ITPR2: variants seen among roughly 807,000 people sequenced by gnomAD.
ITPR2 encodes the protein inositol 1,4,5-trisphosphate-gated calcium channel ITPR2.
In ITPR2, 207 loss-of-function variants were observed where a neutral mutation model predicts 317.1. That is an observed-to-expected ratio of 0.65 (90% confidence interval 0.58 to 0.73). The LOEUF is 0.73. Ranked by LOEUF, ITPR2 falls within the 30% of genes least tolerant of loss-of-function variation. The pLI, the probability that ITPR2 is intolerant of heterozygous loss-of-function variation, is 0.00. For missense variants in ITPR2, 2,613 were observed against 3,284.0 expected (o/e 0.80, Z 4.99); for synonymous variants, 1,156 against 1,149.1 (o/e 1.01, Z -0.12).
intron 13 of ITPR2, among the ~76,000 whole-genome samples, chr12:26,678,683 T>C (rs1947966356): frequency 6.6e-6 from 1 of 152,242 alleles, no homozygotes; most frequent in Admixed American, 6.5e-5. Context: ...TGTACCTTCA[T>C]ATTTCTTAGG....
At chr12:26,494,100 T>G in intron 39 of ITPR2, 53 bp downstream of exon 39, 2 of 1,388,328 alleles carry the variant, frequency 1.4e-6, no homozygotes, top group Non-Finnish European at 2.0e-6. Context: ...CTGTGACAAG[T>G]AAACAAGAAA....
At chr12:26,548,400 T>C (rs192216106) in intron 37 of ITPR2, among the ~76,000 whole-genome samples, 1 of 152,228 alleles carries the variant, frequency 6.6e-6, no homozygotes, top group East Asian at 1.9e-4. Flanking sequence ...CCTGGAACAC[T>C]GACGCTGTGC....
chr12:26,449,365 G>A (rs1003586054), intron 45 of ITPR2, among the ~76,000 whole-genome samples: 4 of 152,080 alleles, frequency 2.6e-5, no homozygotes, highest in African/African-American at 9.7e-5. Context: ...ATTCTAATGT[G>A]CAAAATATGG....
At chr12:26,475,495 T>C (rs1942396843) in intron 44 of ITPR2, 77 bp from the exon 45 acceptor site, 2 of 1,507,836 alleles carry the variant, frequency 1.3e-6, no homozygotes, top group Non-Finnish European at 1.8e-6. Context: ...TAATTAAAAA[T>C]TGGGCAGCTT....
chr12:26,687,190 T>C lies in ITPR2; in HGVS notation c.997-558A>G, dbSNP rs550925873. On this transcript the variant is annotated intron_variant, in intron 10 of 56. Coordinates refer to ENST00000381340, the MANE Select transcript of ITPR2 (RefSeq NM_002223.4). ...AGATCTCCACACACAGAAGCCTTCA[T>C]AGTGATGTGGAACTTGGTCAATGCT... Among the ~76,000 whole-genome samples, 20 of 152,286 alleles carry C rather than the reference T, an allele frequency of 1.3e-4. No homozygotes were observed. The East Asian group carries it at 2.1e-3, about 16-fold the overall frequency.
chr12:26,741,669 G>C (rs1359183932), intron 2 of ITPR2, among the ~76,000 whole-genome samples: 1 of 152,138 alleles, frequency 6.6e-6, no homozygotes, highest in Admixed American at 6.5e-5. Flanking sequence ...AAGAAAACCT[G>C]CATGTGTGTC....
At chr12:26,486,480 G>A in intron 40 of ITPR2, 120 bp from the exon 41 acceptor site, 2 of 861,038 alleles carry the variant, frequency 2.3e-6, no homozygotes, top group South Asian at 3.8e-5. Flanking sequence ...TCTGACAAAA[G>A]GTGCAACAAT....
chr12:26,453,719 C>T (rs545869647), intron 45 of ITPR2, among the ~76,000 whole-genome samples: 1 of 152,330 alleles, frequency 6.6e-6, no homozygotes, highest in Non-Finnish European at 1.5e-5. Flanking sequence ...ACTTGAGTTG[C>T]TTCTTCCAGC....
At chr12:26,474,657 A>G (rs1219247920) in intron 45 of ITPR2, among the ~76,000 whole-genome samples, 1 of 150,708 alleles carries the variant, frequency 6.6e-6, no homozygotes, top group Non-Finnish European at 1.5e-5. Context: ...AGCCGGGCGT[A>G]GTGGCGGGCG....
At chr12:26,781,992 G>GTATATATATATATATATA (rs1161714052) in intron 2 of ITPR2, among the ~76,000 whole-genome samples, 4 of 57,008 alleles carry the variant, frequency 7.0e-5, no homozygotes, top group Admixed American at 2.3e-4. Flanking sequence ...AAACTCCCCT[G>GTATATATATATATATATA]TATATATATA....
chr12:26,624,400 T>A, intron 23 of ITPR2, 44 bp from the exon 24 acceptor site: 1 of 1,347,706 alleles, frequency 7.4e-7, no homozygotes. Flanking sequence ...CCTATTTTAA[T>A]TAGGAGCCAT....
At position 26,502,069 on chromosome 12, in the gene ITPR2, G is replaced by A. The variant is rs181387219; in HGVS notation, c.5074-6809C>T. ...GGTTGCTGAGAAGGTTTTGTTAGGA[G>A]ATGATTCTATACTCCATAGATAGCA... On this transcript the variant is annotated intron_variant, in intron 37 of 56. Transcript: ENST00000381340. 1.8e-3 allele frequency among the ~76,000 whole-genome samples: 275 copies of A among 152,324 alleles called. 1 individual carries two copies. Among genetic ancestry groups the A allele is most frequent in the Non-Finnish European group, 1.9e-3 (132 of 68,020 alleles).
intron 45 of ITPR2, among the ~76,000 whole-genome samples, chr12:26,463,915 C>T (rs1280834388): frequency 6.6e-6 from 1 of 152,166 alleles, no homozygotes; most frequent in Non-Finnish European, 1.5e-5. Flanking sequence ...CACACACGCA[C>T]AGCACGCTAA....
intron 8 of ITPR2, among the ~76,000 whole-genome samples, chr12:26,713,484 G>A (rs949384206): frequency 2.6e-5 from 4 of 152,146 alleles, no homozygotes; most frequent in Admixed American, 1.3e-4. Context: ...GGTGAGGGAC[G>A]TTTAAATGAA....
chr12:26,736,491 C>T (rs1267871040), intron 2 of ITPR2, among the ~76,000 whole-genome samples: 1 of 152,076 alleles, frequency 6.6e-6, no homozygotes, highest in African/African-American at 2.4e-5. Context: ...GAGAGGAGCA[C>T]CAAGGCTATT....
At chr12:26,718,174 T>C (rs1948773821) in intron 5 of ITPR2, among the ~76,000 whole-genome samples, 2 of 152,178 alleles carry the variant, frequency 1.3e-5, no homozygotes, top group African/African-American at 2.4e-5. Flanking sequence ...ACTGCACCTA[T>C]TGACCCGTCC....
At chr12:26,461,627 A>AATATATAT (rs754482854) in intron 45 of ITPR2, among the ~76,000 whole-genome samples, 13 of 48,720 alleles carry the variant, frequency 2.7e-4, no homozygotes, top group African/African-American at 5.9e-4. Flanking sequence ...AAAGCATATA[A>AATATATAT]ATATATATAT....
chr12:26,486,523 T>C (rs1942673015), intron 40 of ITPR2, among the ~76,000 whole-genome samples, 163 bp from the exon 41 acceptor site: 1 of 151,934 alleles, frequency 6.6e-6, no homozygotes, highest in Non-Finnish European at 1.5e-5. Context: ...CACTTAAAAA[T>C]TAAATTTGCA....
intron 34 of ITPR2, among the ~76,000 whole-genome samples, chr12:26,577,857 G>A (rs1367866150): frequency 1.3e-5 from 2 of 151,978 alleles, no homozygotes; most frequent in Non-Finnish European, 2.9e-5. Context: ...TATAACCCTG[G>A]CCAAATTGCA....
Sources: gnomAD v4.1 joint callset for allele counts (sites outside exome capture counted in the v4.1 genomes callset) on GRCh38, gnomAD v4.1.1 for gene constraint, MANE v1.5 for transcripts, NCBI Gene and HGNC (gene_info 2026-07-23, HGNC 2026-07-21) for gene names.